ASXL3: variants seen among roughly 807,000 people sequenced by gnomAD.
ASXL3 encodes putative Polycomb group protein ASXL3.
Under a neutral mutation model 170.6 loss-of-function variants are expected in ASXL3, and 34 were observed. That is an observed-to-expected ratio of 0.20 (90% CI 0.15 to 0.27). ASXL3 has a LOEUF of 0.27. Ranked by LOEUF, ASXL3 falls within the 10% of genes least tolerant of loss-of-function variation. The pLI is 1.00. For missense variants in ASXL3, 2,592 were observed against 2,695.3 expected (o/e 0.96, Z 0.85); for synonymous variants, 1,002 against 989.1 (o/e 1.01, Z -0.24).
At chr18:33,599,843 C>T (rs2065165492) in intron 1 of ASXL3, among the ~76,000 whole-genome samples, 1 of 152,020 alleles carries the variant, frequency 6.6e-6, no homozygotes, top group Non-Finnish European at 1.5e-5. Context: ...TTGGAAAACA[C>T]ACCACAGAGC....
In ASXL3 at chr18:33,684,831, A is replaced by T. The variant is rs544518691; in HGVS notation, c.879+1263A>T. The stretch of plus-strand genomic sequence containing the variant: ...TTTATATGCAGAAGGGAAATATCAG[A>T]GTCAAATTTAAAATTCTTGAATTGG... On this transcript the variant is annotated intron_variant, in intron 8 of 11. Transcript: ENST00000269197. Among the ~76,000 whole-genome samples, 4 of 152,308 alleles carry T rather than the reference A, an allele frequency of 2.6e-5. No individual in the cohort carries two copies. The South Asian group carries it at 8.3e-4, about 32-fold the overall frequency.
At chr18:33,598,696 T>A (rs1442101907) in intron 1 of ASXL3, among the ~76,000 whole-genome samples, 2 of 152,150 alleles carry the variant, frequency 1.3e-5, no homozygotes, top group African/African-American at 4.8e-5. Context: ...ATAAGAAAAG[T>A]TACATGAGAT....
At chr18:33,685,785 CAG>C (rs2066585629) in intron 8 of ASXL3, among the ~76,000 whole-genome samples, 1 of 152,102 alleles carries the variant, frequency 6.6e-6, no homozygotes, top group Non-Finnish European at 1.5e-5. Flanking sequence ...AAGGAAGTGC[CAG>C]ACTCTTGTAA....
intron 11 of ASXL3, among the ~76,000 whole-genome samples, chr18:33,742,510 C>T (rs1051990977): frequency 6.6e-6 from 1 of 152,118 alleles, no homozygotes; most frequent in Non-Finnish European, 1.5e-5. Flanking sequence ...TGAAGTTCCA[C>T]TTTTTTATGC....
At chr18:33,590,392 C>T (rs1156465174) in intron 1 of ASXL3, among the ~76,000 whole-genome samples, 1 of 151,998 alleles carries the variant, frequency 6.6e-6, no homozygotes, top group East Asian at 1.9e-4. Context: ...GATCAGGTAT[C>T]ACGATTGATT....
intron 8 of ASXL3, among the ~76,000 whole-genome samples, chr18:33,694,945 C>T (rs1165837693): frequency 6.6e-6 from 1 of 152,114 alleles, no homozygotes; most frequent in Non-Finnish European, 1.5e-5. Context: ...TTTCTGATGG[C>T]TCTGTTGGCA....
At chr18:33,606,030 T>C (rs1436667954) in intron 1 of ASXL3, among the ~76,000 whole-genome samples, 1 of 152,064 alleles carries the variant, frequency 6.6e-6, no homozygotes, top group Non-Finnish European at 1.5e-5. Flanking sequence ...ACAGTTCTTA[T>C]TTTAAAACTT....
chr18:33,622,824 A>T (rs1377834822), intron 2 of ASXL3, among the ~76,000 whole-genome samples: 1 of 152,140 alleles, frequency 6.6e-6, no homozygotes. Context: ...GCTGAAAGGG[A>T]GGCTAGAGAA....
intron 2 of ASXL3, among the ~76,000 whole-genome samples, chr18:33,616,122 T>C (rs1294464645): frequency 6.6e-6 from 1 of 152,164 alleles, no homozygotes; most frequent in East Asian, 1.9e-4. Flanking sequence ...TAAGTAGTTC[T>C]TGAGGAGGAT....
chr18:33,682,281 C>G (rs944505613), intron 7 of ASXL3, among the ~76,000 whole-genome samples: 24 of 152,154 alleles, frequency 1.6e-4, no homozygotes, highest in Admixed American at 1.5e-3. Flanking sequence ...AAATCATGAG[C>G]CATAATTTTC....
At chr18:33,633,995 C>T (rs1360091065) in intron 2 of ASXL3, among the ~76,000 whole-genome samples, 1 of 151,824 alleles carries the variant, frequency 6.6e-6, no homozygotes, top group East Asian at 1.9e-4. Context: ...TGAATATATG[C>T]ATATATATGA....
chr18:33,716,068 AG>A (rs1449983738), intron 8 of ASXL3, among the ~76,000 whole-genome samples: 1 of 152,232 alleles, frequency 6.6e-6, no homozygotes, highest in African/African-American at 2.4e-5. Flanking sequence ...TTGTTCATAA[AG>A]GCCAATTCTT....
chr18:33,687,826 C>T (rs1330419542), intron 8 of ASXL3, among the ~76,000 whole-genome samples: 5 of 152,024 alleles, frequency 3.3e-5, no homozygotes, highest in Admixed American at 2.6e-4. Flanking sequence ...AAAGAAAGTC[C>T]AACTCAAAGA....
At chr18:33,661,847 C>A in intron 5 of ASXL3, 110 bp downstream of exon 5, 1 of 1,233,658 alleles carries the variant, frequency 8.1e-7, no homozygotes, top group Non-Finnish European at 1.1e-6. Flanking sequence ...CAGAATCTTC[C>A]TGAATTCAAT....
In ASXL3 at chr18:33,748,596, C is replaced by T. The variant is rs1176196454; in HGVS notation, c.*2001C>T. On this transcript the variant is annotated 3_prime_UTR_variant, in exon 12 of 12. Transcript: ENST00000269197. ...AGTTCCAGTGGATCCTTAGTTTTCTCTTCACTGCCTGCCAGGTTGTGTTGG... is the reference window on the plus strand; with the variant it reads ...AGTTCCAGTGGATCCTTAGTTTTCTTTTCACTGCCTGCCAGGTTGTGTTGG... 6.6e-6 allele frequency: 1 copy of T among 152,234 alleles called. No homozygotes were observed. The highest frequency in any genetic ancestry group is 1.5e-5 in the Non-Finnish European group (1 of 68,056). 9.4% of individuals were successfully genotyped at this position (152,234 alleles called of 1,614,324 possible). A position where few individuals can be genotyped will look rare whatever the true frequency, so the allele number is the denominator to read the frequency against.
chr18:33,657,863 G>A (rs1013950424), intron 4 of ASXL3, among the ~76,000 whole-genome samples: 4 of 152,088 alleles, frequency 2.6e-5, no homozygotes, highest in African/African-American at 9.7e-5. Context: ...GACAGAAATA[G>A]TATTTTTATA....
chr18:33,745,528 G>C lies in ASXL3; in HGVS notation c.5680G>C (p.Val1894Leu). 6.2e-7 allele frequency: 1 copy of C among 1,613,998 alleles called. No homozygotes were observed. Among genetic ancestry groups the C allele is most frequent in the Non-Finnish European group, 8.5e-7 (1 of 1,179,902 alleles). The change falls in exon 12 of 12, where the codon GTC (valine) becomes CTC (leucine). Residue 1894 changes from valine (V) to leucine (L), a missense_variant. Physicochemically the swap from Val to Leu is conservative, Grantham distance 32 (BLOSUM62 1). This residue lies in a region of ASXL3 where 2,246 missense variants were observed against 2,219.6 expected (regional missense o/e 1.01). Transcript: ENST00000269197. The part of the protein sequence containing the change: ...MQNRIVHSPE[V>L]KQQKRLLPSC... ...GAACAGAATTGTTCACAGCCCTGAG[G>C]TCAAACAGCAAAAGCGGCTGCTCCC...
intron 8 of ASXL3, among the ~76,000 whole-genome samples, chr18:33,706,611 TTTGGATAC>T (rs1247101137): frequency 2.0e-5 from 3 of 151,874 alleles, no homozygotes; most frequent in African/African-American, 7.2e-5. Context: ...TTGACACATT[TTTGGATAC>T]TTGGATATCC....
At chr18:33,658,654 A>G (rs1474629444) in intron 4 of ASXL3, among the ~76,000 whole-genome samples, 1 of 152,094 alleles carries the variant, frequency 6.6e-6, no homozygotes, top group African/African-American at 2.4e-5. Flanking sequence ...GCTTTTCTTT[A>G]AAGTTCTATA....
Sources: gnomAD v4.1 joint callset for allele counts (sites outside exome capture counted in the v4.1 genomes callset) on GRCh38, gnomAD v4.1.1 for gene constraint, gnomAD v4.1.1 regional missense constraint, MANE v1.5 for transcripts, NCBI Gene and HGNC (gene_info 2026-07-23, HGNC 2026-07-21) for gene names.